Variants in NCK2 observed in about 807,000 individuals in gnomAD.
NCK2 encodes the protein cytoplasmic protein NCK2.
NCK2 carries 16 observed loss-of-function variants against 33.9 expected under a neutral mutation model. That is an observed-to-expected ratio of 0.47 (90% CI 0.32 to 0.72). NCK2 has a LOEUF of 0.72. Among genes scored for constraint, NCK2 ranks in the 30% least tolerant of loss-of-function variants. The probability of loss-of-function intolerance (pLI) is 0.03; values close to 1 mark genes in which losing one functional copy is unlikely to be tolerated. For missense variants in NCK2, 418 were observed against 537.3 expected, an observed-to-expected ratio of 0.78 and a Z score of 2.19; for synonymous variants, 273 against 239.9, an observed-to-expected ratio of 1.14 and a Z score of -1.27.
intron 3 of NCK2, among the ~76,000 whole-genome samples, chr2:105,856,360 T>C (rs1677272007): frequency 6.6e-6 from 1 of 152,240 alleles, no homozygotes; most frequent in Admixed American, 6.5e-5. Context: ...AGTATAATGT[T>C]GTCTGTATCC....
chr2:105,758,964 C>T (rs1441429361), intron 1 of NCK2, among the ~76,000 whole-genome samples: 1 of 152,170 alleles, frequency 6.6e-6, no homozygotes, highest in African/African-American at 2.4e-5. Flanking sequence ...ACTGAACCAG[C>T]AGACATTTCC....
intron 1 of NCK2, among the ~76,000 whole-genome samples, chr2:105,759,472 T>TATTACACATG (rs57005277): frequency 1.3e-5 from 2 of 151,900 alleles, no homozygotes; most frequent in African/African-American, 4.8e-5. Context: ...TTTTATATAA[T>TATTACACATG]AAAACATATG....
At chr2:105,860,748 C>T (rs528026293) in intron 3 of NCK2, among the ~76,000 whole-genome samples, 4 of 151,780 alleles carry the variant, frequency 2.6e-5, no homozygotes, top group African/African-American at 9.7e-5. Flanking sequence ...GCCGTGGATG[C>T]CGGCGGCGCT....
At chr2:105,792,942 C>T (rs567748998) in intron 1 of NCK2, among the ~76,000 whole-genome samples, 29 of 152,312 alleles carry the variant, frequency 1.9e-4, no homozygotes, top group South Asian at 6.2e-4. Context: ...ATTACCCCGA[C>T]GTGCAGTTTA....
At chr2:105,866,333 AAT>A (rs1183325517) in intron 3 of NCK2, among the ~76,000 whole-genome samples, 1 of 151,922 alleles carries the variant, frequency 6.6e-6, no homozygotes, top group Admixed American at 6.5e-5. Context: ...TCCCAGTGTT[AAT>A]ATAAGTATAT....
intron 2 of NCK2, among the ~76,000 whole-genome samples, chr2:105,844,691 C>T (rs980577697): frequency 2.0e-5 from 3 of 148,894 alleles, no homozygotes; most frequent in East Asian, 2.0e-4. Flanking sequence ...GCTGAGATCG[C>T]GCCACTGCAC....
chr2:105,755,517 G>GAAGTA (rs1689575386), intron 1 of NCK2, among the ~76,000 whole-genome samples: 2 of 152,198 alleles, frequency 1.3e-5, no homozygotes, highest in Non-Finnish European at 2.9e-5. Context: ...CGGTTGGTGA[G>GAAGTA]GGTTCCATGT....
chr2:105,858,229 G>A (rs564170806), intron 3 of NCK2, among the ~76,000 whole-genome samples: 1 of 152,192 alleles, frequency 6.6e-6, no homozygotes, highest in African/African-American at 2.4e-5. Context: ...AGCATCAAAA[G>A]TACACCACAT....
intron 1 of NCK2, among the ~76,000 whole-genome samples, chr2:105,758,757 A>C (rs1311686343): frequency 6.6e-6 from 1 of 152,192 alleles, no homozygotes; most frequent in Non-Finnish European, 1.5e-5. Flanking sequence ...ACTTCTACAC[A>C]GTAGTCAAGA....
chr2:105,751,141 C>T (rs1689441538), intron 1 of NCK2, among the ~76,000 whole-genome samples: 1 of 152,194 alleles, frequency 6.6e-6, no homozygotes. Context: ...TATCCAAGTT[C>T]TTAGTGGTCA....
intron 3 of NCK2, among the ~76,000 whole-genome samples, chr2:105,870,591 A>G (rs1418889321): frequency 6.6e-6 from 1 of 152,092 alleles, no homozygotes; most frequent in East Asian, 1.9e-4. Context: ...CCCCGTCTCT[A>G]CTAAAAATAT....
intron 1 of NCK2, among the ~76,000 whole-genome samples, chr2:105,773,645 G>A (rs770464319): frequency 5.3e-5 from 8 of 152,072 alleles, no homozygotes; most frequent in Non-Finnish European, 1.0e-4. Flanking sequence ...AGAGCATCCT[G>A]GTTTATGGAT....
intron 4 of NCK2, among the ~76,000 whole-genome samples, chr2:105,889,078 A>G (rs968501356): frequency 7.9e-5 from 12 of 152,204 alleles, no homozygotes; most frequent in South Asian, 4.1e-4. Flanking sequence ...ACAGATGAGA[A>G]TAGGACTGAT....
chr2:105,866,168 C>T (rs1677744073), intron 3 of NCK2, among the ~76,000 whole-genome samples: 1 of 152,146 alleles, frequency 6.6e-6, no homozygotes, highest in Non-Finnish European at 1.5e-5. Flanking sequence ...CCCACCTTGG[C>T]CTCCCAAAGT....
chr2:105,761,153 G>A (rs555371636), intron 1 of NCK2, among the ~76,000 whole-genome samples: 2 of 152,312 alleles, frequency 1.3e-5, no homozygotes, highest in South Asian at 4.1e-4. Context: ...CACCCTACTG[G>A]GCCTCTTCTG....
At chr2:105,891,160 C>T (rs1678956300) in intron 4 of NCK2, among the ~76,000 whole-genome samples, 1 of 152,252 alleles carries the variant, frequency 6.6e-6, no homozygotes, top group Non-Finnish European at 1.5e-5. Context: ...CGCATACTCT[C>T]ACACACTCTC....
At chr2:105,844,197 A>G (rs1028170504) in intron 2 of NCK2, among the ~76,000 whole-genome samples, 3 of 152,176 alleles carry the variant, frequency 2.0e-5, no homozygotes, top group Non-Finnish European at 2.9e-5. Context: ...TTCAAAAAAA[A>G]GGGAAGTCTG....
chr2:105,830,703 GTGTGTGTGTGTGTT>G (rs1201919676), intron 2 of NCK2, among the ~76,000 whole-genome samples: 4 of 148,184 alleles, frequency 2.7e-5, no homozygotes, highest in East Asian at 1.9e-4. Context: ...GTGTGTGTGT[GTGTGTGTGTGTGTT>G]TGGTCTGATA....
Position 105,881,446 on chromosome 2 carries a change from G to T in NCK2, c.345G>T (p.Pro115=), listed in dbSNP as rs770165493. 5 of 1,613,490 alleles carry T rather than the reference G, an allele frequency of 3.1e-6. No individual in the cohort carries two copies. The highest frequency in any genetic ancestry group is 4.2e-6 in the Non-Finnish European group (5 of 1,179,980). ...GADRIYDLNI[P]AFVKFAYVAE... Reference sequence around the variant, plus strand: ...ACCGCATCTACGACCTCAACATCCCGGCCTTCGTCAAGTTCGCCTATGTGG... The same window carrying T: ...ACCGCATCTACGACCTCAACATCCCTGCCTTCGTCAAGTTCGCCTATGTGG... Residue 115 remains proline (P), a synonymous_variant, in exon 4 of 5, where the codon CCG becomes CCT. Coordinates refer to ENST00000233154, the MANE Select transcript of NCK2 (RefSeq NM_003581.5).
Sources: gnomAD v4.1 joint callset for allele counts (sites outside exome capture counted in the v4.1 genomes callset) on GRCh38, gnomAD v4.1.1 for gene constraint, MANE v1.5 for transcripts, NCBI Gene and HGNC (gene_info 2026-07-23, HGNC 2026-07-21) for gene names.